ITPR1: variants seen among roughly 807,000 people sequenced by gnomAD.
ITPR1 encodes inositol 1,4,5-trisphosphate-gated calcium channel ITPR1.
ITPR1 carries 96 observed loss-of-function variants against 318.4 expected under a neutral mutation model. The ratio of observed to expected loss-of-function variants is 0.30; its 90% CI spans 0.26 to 0.36. The LOEUF (loss-of-function observed/expected upper bound fraction) is 0.36, where lower values mean the gene tolerates loss of function less well. Ranked by LOEUF, ITPR1 falls within the 10% of genes least tolerant of loss-of-function variation. The pLI, the probability that ITPR1 is intolerant of heterozygous loss-of-function variation, is 1.00. For synonymous variants in ITPR1, 1,312 were observed against 1,289.9 expected (o/e 1.02, Z -0.37); for missense variants, 2,440 against 3,460.2 (o/e 0.71, Z 7.40).
intron 40 of ITPR1, among the ~76,000 whole-genome samples, chr3:4,718,908 T>G (rs1419164820): frequency 2.6e-5 from 4 of 152,192 alleles, no homozygotes; most frequent in Non-Finnish European, 5.9e-5. Flanking sequence ...CTACGTAGAG[T>G]TGTAAATGCC....
intron 5 of ITPR1, among the ~76,000 whole-genome samples, chr3:4,634,978 G>C (rs1000340173): frequency 6.6e-6 from 1 of 152,230 alleles, no homozygotes; most frequent in African/African-American, 2.4e-5. Context: ...CCTGACTTCA[G>C]GTGATCTGCC....
intron 60 of ITPR1, among the ~76,000 whole-genome samples, chr3:4,825,070 A>T (rs952635616): frequency 6.6e-6 from 1 of 152,192 alleles, no homozygotes; most frequent in African/African-American, 2.4e-5. Flanking sequence ...CATCTGAACG[A>T]CTTTAACTCC....
At chr3:4,766,814 TG>T in intron 45 of ITPR1, 104 bp downstream of exon 45, 1 of 929,036 alleles carries the variant, frequency 1.1e-6, no homozygotes, top group Non-Finnish European at 1.5e-6. Flanking sequence ...TGCATTATGA[TG>T]GGAGCTTTCA....
intron 3 of ITPR1, among the ~76,000 whole-genome samples, chr3:4,518,535 C>T (rs879687769): frequency 7.4e-4 from 113 of 152,238 alleles, no homozygotes; most frequent in African/African-American, 2.6e-3. Context: ...AGTTTGACAA[C>T]CCTTCCTGTT....
chr3:4,687,488 C>T lies in ITPR1; in HGVS notation c.3703-1007C>T, dbSNP rs369219966. ...AGTTGGAGATCTGGGATAAGAGTAG[C>T]GCAGTCAGGTTTGGTGACCTGCATT... On this transcript the variant is annotated intron_variant, in intron 30 of 61. Transcript: ENST00000649015. 6.6e-5 allele frequency among the ~76,000 whole-genome samples: 10 copies of T among 152,220 alleles called. No individual in the cohort carries two copies. The South Asian group carries it at 1.0e-3, about 16-fold the overall frequency.
chr3:4,693,145 A>T (rs903702798), intron 32 of ITPR1, among the ~76,000 whole-genome samples: 2 of 152,224 alleles, frequency 1.3e-5, no homozygotes, highest in Non-Finnish European at 1.5e-5. Context: ...AATAAGATGG[A>T]AACATTTAAA....
chr3:4,573,162 A>G (rs547447725), intron 4 of ITPR1, among the ~76,000 whole-genome samples: 1 of 152,210 alleles, frequency 6.6e-6, no homozygotes, highest in Non-Finnish European at 1.5e-5. Flanking sequence ...AGGAAACTCC[A>G]TACTGTTTTC....
chr3:4,843,097 G>A (rs1251424277), intron 61 of ITPR1, among the ~76,000 whole-genome samples: 1 of 73,002 alleles, frequency 1.4e-5, no homozygotes, highest in Non-Finnish European at 2.5e-5. Context: ...TTTTTTTTTG[G>A]TTCTCTTGTA....
At chr3:4,540,077 G>T (rs2084287920) in intron 4 of ITPR1, among the ~76,000 whole-genome samples, 1 of 151,368 alleles carries the variant, frequency 6.6e-6, no homozygotes, top group Non-Finnish European at 1.5e-5. Context: ...GTGACAGTAG[G>T]TGTGCAATTT....
intron 4 of ITPR1, among the ~76,000 whole-genome samples, chr3:4,602,785 A>G (rs2091394747): frequency 6.6e-6 from 1 of 152,142 alleles, no homozygotes; most frequent in Non-Finnish European, 1.5e-5. Flanking sequence ...TTGTGATTCT[A>G]TTTATGTAAA....
chr3:4,547,823 G>A (rs11708538), intron 4 of ITPR1, among the ~76,000 whole-genome samples: 5,313 of 152,226 alleles, frequency 0.035, 143 homozygotes, highest in Middle Eastern at 0.061. Flanking sequence ...CTTAGTGGGT[G>A]ATAGGTGGAA....
chr3:4,564,051 C>T (rs928891540), intron 4 of ITPR1, among the ~76,000 whole-genome samples: 4 of 152,018 alleles, frequency 2.6e-5, no homozygotes, highest in African/African-American at 7.3e-5. Flanking sequence ...AAGCGATTCT[C>T]TTGCCTCAGC....
At chr3:4,628,008 G>C (rs2307067) in intron 5 of ITPR1, 130 bp downstream of exon 5, 1 of 577,490 alleles carries the variant, frequency 1.7e-6, no homozygotes. Flanking sequence ...TTTTTTTTTC[G>C]TGAAGGGGTA....
intron 17 of ITPR1, 104 bp from the exon 18 acceptor site, chr3:4,667,273 G>A (rs142394702): frequency 2.4e-6 from 2 of 828,444 alleles, no homozygotes; most frequent in East Asian, 5.6e-5. Context: ...TGTCTCTTAG[G>A]GGCAGTAGTT....
intron 51 of ITPR1, among the ~76,000 whole-genome samples, chr3:4,785,834 C>T (rs897362972): frequency 6.6e-6 from 1 of 152,184 alleles, no homozygotes; most frequent in Non-Finnish European, 1.5e-5. Flanking sequence ...TCTAAAACTA[C>T]TGAGGAAGAG....
rs149220684 is a variant in ITPR1, at chr3:4,672,825, G to A, written c.2205-311G>A. 0.02 allele frequency among the ~76,000 whole-genome samples: 2,978 copies of A among 152,166 alleles called. 43 individuals carry two copies. The highest frequency in any genetic ancestry group is 0.027 in the Non-Finnish European group (1,842 of 67,998). The stretch of plus-strand genomic sequence containing the variant: ...CATCTTAGGCCTTAGCATTCCCCCC[G>A]TTTATTTTAAAAAGTAAACATTAAG... On this transcript the variant is annotated intron_variant, in intron 20 of 61. Coordinates refer to ENST00000649015, the MANE Select transcript of ITPR1 (RefSeq NM_001378452.1).
At chr3:4,638,740 A>G (rs974106010) in intron 5 of ITPR1, among the ~76,000 whole-genome samples, 1 of 152,224 alleles carries the variant, frequency 6.6e-6, no homozygotes, top group Non-Finnish European at 1.5e-5. Flanking sequence ...ACTTTGAGTC[A>G]ATTTCTTCTT....
At chr3:4,794,556 A>G (rs2633715) in intron 52 of ITPR1, among the ~76,000 whole-genome samples, 59,847 of 152,112 alleles carry the variant, frequency 0.39, 12,496 homozygotes, top group Non-Finnish European at 0.47. Flanking sequence ...ATGTTGAGCC[A>G]GAGAGGAATG....
At chr3:4,721,394 G>C (rs1202015202) in intron 40 of ITPR1, among the ~76,000 whole-genome samples, 3 of 152,042 alleles carry the variant, frequency 2.0e-5, no homozygotes, top group Non-Finnish European at 4.4e-5. Context: ...AGTTAGTAAA[G>C]ATAGTTGTCT....
Sources: allele counts gnomAD v4.1 joint callset (sites outside exome capture counted in the v4.1 genomes callset), GRCh38; gene constraint gnomAD v4.1.1; transcripts MANE v1.5; gene names NCBI Gene and HGNC (gene_info 2026-07-23, HGNC 2026-07-21).